The following TBC1D4 variants were observed in gnomAD, a reference collection of about 807,000 sequenced individuals.
The protein encoded by TBC1D4 is TBC (Tre-2, BUB2, CDC16) domain-containing protein.
In TBC1D4, 121 loss-of-function variants were observed where a neutral mutation model predicts 142.5. The observed-to-expected ratio is 0.85, with a 90% CI of 0.73 to 0.99. TBC1D4 has a LOEUF of 0.99. TBC1D4 is among the 50% of genes least tolerant of loss of function. The pLI is 0.00. For missense variants in TBC1D4, 1,475 were observed against 1,606.6 expected, an observed-to-expected ratio of 0.92 and a Z score of 1.40; for synonymous variants, 630 against 628.2, an observed-to-expected ratio of 1.00 and a Z score of -0.04.
chr13:75,422,353 T>C (rs1886205590), intron 1 of TBC1D4, among the ~76,000 whole-genome samples: 1 of 152,168 alleles, frequency 6.6e-6, no homozygotes, highest in Non-Finnish European at 1.5e-5. Flanking sequence ...TTTCTTGTAA[T>C]GGAAATGAGA....
At chr13:75,319,674 C>T (rs956580725) in intron 12 of TBC1D4, among the ~76,000 whole-genome samples, 1 of 152,154 alleles carries the variant, frequency 6.6e-6, no homozygotes, top group Admixed American at 6.5e-5. Context: ...GAATAAACTC[C>T]ACTTAGGCAC....
At position 75,320,018 on chromosome 13, in the gene TBC1D4, A is replaced by G; in HGVS notation, c.2218T>C (p.Ser740Pro). Residue 740 changes from serine (S) to proline (P), a missense_variant, in exon 12 of 21, where the codon TCA becomes CCA. Physicochemically the swap from Ser to Pro is moderately conservative, Grantham distance 74. This residue lies in a region of TBC1D4 where 1,227 missense variants were observed against 1,267.7 expected (regional missense o/e 0.97). Coordinates refer to ENST00000377636, the MANE Select transcript of TBC1D4 (RefSeq NM_014832.5). ...AATACGTAGACCTCTAATCACCTTG[A>G]TTCTGAAGCAGTGTCTTGTCTGGTA... is the stretch of plus-strand genomic sequence containing the variant. ...NEIRQDTASE[S>P]SDGEGRKRTS... is the part of the protein sequence containing the mutation. 1.2e-6 allele frequency: 2 copies of G among 1,613,282 alleles called. No individual in the cohort carries two copies. Among genetic ancestry groups the G allele is most frequent in the South Asian group, 2.2e-5 (2 of 91,048 alleles).
intron 4 of TBC1D4, among the ~76,000 whole-genome samples, chr13:75,351,947 G>GC (rs1030458856): frequency 2.0e-5 from 3 of 152,118 alleles, no homozygotes; most frequent in African/African-American, 7.2e-5. Context: ...TAGATTTTAA[G>GC]CCCATTTATC....
At chr13:75,328,788 T>C (rs1390071715) in intron 8 of TBC1D4, among the ~76,000 whole-genome samples, 1 of 152,182 alleles carries the variant, frequency 6.6e-6, no homozygotes, top group Non-Finnish European at 1.5e-5. Context: ...TCTGCAAACA[T>C]TCTTAGGTTT....
At position 75,362,991 on chromosome 13, in the gene TBC1D4, T is replaced by C. The variant is rs572048475; in HGVS notation, c.499-384A>G. Among the ~76,000 whole-genome samples the C allele has an allele frequency of 6.2e-4, 94 of 152,310 alleles. 1 individual carries two copies. Among genetic ancestry groups the C allele is most frequent in the African/African-American group, 2.1e-3 (89 of 41,572 alleles). Reference sequence around the variant, plus strand: ...AACCATGAGGACAAAATAACCTTTTTTGATGAGGAGATTAAAACCTAGACA... The same window carrying C: ...AACCATGAGGACAAAATAACCTTTTCTGATGAGGAGATTAAAACCTAGACA... On this transcript the variant is annotated intron_variant, in intron 1 of 20. Coordinates refer to ENST00000377636, the MANE Select transcript of TBC1D4 (RefSeq NM_014832.5). The surrounding 1 kb of genome is among the most constrained non-coding windows in gnomAD (Gnocchi z 4.2).
intron 1 of TBC1D4, among the ~76,000 whole-genome samples, chr13:75,478,654 G>A (rs9565165): frequency 0.05 from 7,588 of 152,262 alleles, 369 homozygotes; most frequent in East Asian, 0.24. Flanking sequence ...TCTGCATGAA[G>A]CATACTGCTG....
rs1882660474 is a variant in TBC1D4 at position 75,362,999 on chromosome 13, G to A, written c.499-392C>T. On this transcript the variant is annotated intron_variant, in intron 1 of 20. Transcript: ENST00000377636. The surrounding 1 kb of genome is among the most constrained non-coding windows in gnomAD (Gnocchi z 4.2). ...GGACAAAATAACCTTTTTTGATGAG[G>A]AGATTAAAACCTAGACATCCCTCAT... Among the ~76,000 whole-genome samples, 1 of 152,096 alleles carries A rather than the reference G, an allele frequency of 6.6e-6. No individual in the cohort carries two copies. Among genetic ancestry groups the A allele is most frequent in the South Asian group, 2.1e-4 (1 of 4,828 alleles).
chr13:75,476,799 G>C (rs1566518959), intron 1 of TBC1D4, among the ~76,000 whole-genome samples: 1 of 152,210 alleles, frequency 6.6e-6, no homozygotes, highest in Non-Finnish European at 1.5e-5. Flanking sequence ...CCGGCCAGTA[G>C]TTTGAGCATC....
chr13:75,467,802 CA>C (rs1888230385), intron 1 of TBC1D4, among the ~76,000 whole-genome samples: 1 of 152,146 alleles, frequency 6.6e-6, no homozygotes, highest in East Asian at 1.9e-4. Flanking sequence ...ATCGACCTAC[CA>C]AAACCTCTTA....
rs750409465 is a variant in TBC1D4, at chr13:75,468,794, G to T, written c.498+12476C>A. 3.9e-5 allele frequency among the ~76,000 whole-genome samples: 6 copies of T among 152,164 alleles called. 1 individual carries two copies. ...TGGACTTAAATTCCTTGAGGGCAGG[G>T]ATCAATTCTTACTCAACCTAATTTC... On this transcript the variant is annotated intron_variant, in intron 1 of 20. Coordinates refer to ENST00000377636, the MANE Select transcript of TBC1D4 (RefSeq NM_014832.5).
At chr13:75,303,969 G>A (rs912444069) in intron 15 of TBC1D4, among the ~76,000 whole-genome samples, 7 of 152,000 alleles carry the variant, frequency 4.6e-5, no homozygotes, top group African/African-American at 7.3e-5. Flanking sequence ...CTAACATCTC[G>A]AGATGTAATC....
intron 17 of TBC1D4, among the ~76,000 whole-genome samples, chr13:75,297,396 C>T (rs1439155753): frequency 6.6e-6 from 1 of 152,130 alleles, no homozygotes; most frequent in African/African-American, 2.4e-5. Context: ...AGCTACCAAA[C>T]CGTTGTTTCT....
At position 75,286,972 on chromosome 13, in the gene TBC1D4, C is replaced by T. The variant is rs1229698173; in HGVS notation, c.3717G>A (p.Thr1239=). The T allele has an allele frequency of 8.1e-6, 13 of 1,613,860 alleles. No individual in the cohort carries two copies. The highest frequency in any genetic ancestry group is 1.1e-5 in the South Asian group (1 of 91,072). Residue 1239 remains threonine, a synonymous_variant, in exon 21 of 21, where the codon ACG becomes ACA. Coordinates refer to ENST00000377636, the MANE Select transcript of TBC1D4 (RefSeq NM_014832.5). The part of the protein sequence containing the change: ...ALESNLENLL[T]RETKMKSLIR... ...TTAAAGACTTCATTTTGGTCTCTCT[C>T]GTCAAAAGATTTTCCAGGTTTGATT...
intron 1 of TBC1D4, among the ~76,000 whole-genome samples, chr13:75,423,890 G>A (rs1335673255): frequency 1.3e-5 from 2 of 152,156 alleles, no homozygotes; most frequent in Non-Finnish European, 2.9e-5. Flanking sequence ...AAGAAGTTCT[G>A]GAGACTGCAC....
intron 1 of TBC1D4, among the ~76,000 whole-genome samples, chr13:75,473,037 C>A (rs1888482785): frequency 6.6e-6 from 1 of 152,156 alleles, no homozygotes; most frequent in African/African-American, 2.4e-5. Context: ...AGCTGTCGCC[C>A]AGGTTGGAGT....
intron 1 of TBC1D4, among the ~76,000 whole-genome samples, chr13:75,384,193 T>C (rs1016943846): frequency 2.0e-5 from 3 of 152,136 alleles, no homozygotes; most frequent in Non-Finnish European, 4.4e-5. Context: ...CCTAACACTT[T>C]GGGAGGCTGA....
intron 1 of TBC1D4, among the ~76,000 whole-genome samples, chr13:75,448,368 C>CGCCA (rs1275996920): frequency 1.3e-4 from 20 of 151,860 alleles, no homozygotes; most frequent in Admixed American, 1.3e-3. Context: ...GGGAGTTCAA[C>CGCCA]GCCAGCCTGA....
rs192999966 is a variant in TBC1D4, at chr13:75,379,389, G to A, written c.499-16782C>T. On this transcript the variant is annotated intron_variant, in intron 1 of 20. Coordinates refer to ENST00000377636, the MANE Select transcript of TBC1D4 (RefSeq NM_014832.5). ...TGACAGTATATTCATTTGTGTTACT[G>A]TCTTTTTAAAGTCTGCCAACCTCAC... Among the ~76,000 whole-genome samples, 312 of 152,202 alleles carry A rather than the reference G, an allele frequency of 2.0e-3. 1 individual carries two copies. The highest frequency in any genetic ancestry group is 7.0e-3 in the African/African-American group (289 of 41,538).
At position 75,362,533 on chromosome 13, in the gene TBC1D4, A is replaced by T. The variant is rs753323890; in HGVS notation, c.573T>A (p.Asp191Glu). The change falls in exon 2 of 21, where the codon GAT becomes GAA. Residue 191 changes from aspartate to glutamate, a missense_variant. Asp to Glu is a conservative substitution (Grantham distance 45). This residue lies in a region of TBC1D4 where 1,227 missense variants were observed against 1,267.7 expected (regional missense o/e 0.97). Transcript: ENST00000377636. This position sits in a 1 kb window ranked among gnomAD's most constrained non-coding sequence, Gnocchi z 4.2. Reference protein sequence around the residue: ...AMKEDAKPSKDNEDAFYNSQK... With the variant: ...AMKEDAKPSKENEDAFYNSQK... The stretch of plus-strand genomic sequence containing the variant: ...GAGAGTTGTAAAAGGCGTCCTCATT[A>T]TCTTTGCTGGGTTTGGCATCCTCTT... The T allele has an allele frequency of 6.2e-7, 1 of 1,614,216 alleles. No individual in the cohort carries two copies. The highest frequency in any genetic ancestry group is 8.5e-7 in the Non-Finnish European group (1 of 1,180,032).
Sources: allele counts gnomAD v4.1 joint callset (sites outside exome capture counted in the v4.1 genomes callset), GRCh38; gene constraint gnomAD v4.1.1; regional missense constraint gnomAD v4.1.1; non-coding constraint Gnocchi (gnomAD v3.1); transcripts MANE v1.5; gene names NCBI Gene and HGNC (gene_info 2026-07-23, HGNC 2026-07-21).